Variants in SDK1 observed in about 807,000 individuals in gnomAD.
SDK1 encodes the protein protein sidekick-1.
SDK1 carries 157 observed loss-of-function variants against 245.5 expected under a neutral mutation model. The observed-to-expected ratio is 0.64, with a 90% CI of 0.56 to 0.73. SDK1 has a LOEUF of 0.73. Ranked by LOEUF, SDK1 falls within the 30% of genes least tolerant of loss-of-function variation. The pLI is 0.00. For missense variants in SDK1, 3,583 were observed against 3,002.3 expected, an observed-to-expected ratio of 1.19 and a Z score of -4.52; for synonymous variants, 1,647 against 1,278.5, an observed-to-expected ratio of 1.29 and a Z score of -6.15.
intron 5 of SDK1, among the ~76,000 whole-genome samples, chr7:3,889,992 C>T (rs1380835785): frequency 6.6e-6 from 1 of 152,126 alleles, no homozygotes; most frequent in East Asian, 1.9e-4. Flanking sequence ...TCATTTGCAA[C>T]CAAGAACCTC....
chr7:4,158,591 C>T (rs1780918556), intron 31 of SDK1, 40 bp downstream of exon 31: 2 of 1,443,394 alleles, frequency 1.4e-6, no homozygotes, highest in African/African-American at 1.4e-5. Context: ...CTGGCCGCTG[C>T]CCCTGGAGCC....
At chr7:4,045,239 G>C (rs1160534663) in intron 17 of SDK1, among the ~76,000 whole-genome samples, 9 of 151,574 alleles carry the variant, frequency 5.9e-5, no homozygotes, top group Middle Eastern at 3.2e-3. Flanking sequence ...ATCACATATA[G>C]ATTTTATTTA....
chr7:3,718,568 TAAATAAATAAATAAATAA>T (rs1785272178), intron 4 of SDK1, among the ~76,000 whole-genome samples: 1 of 143,378 alleles, frequency 7.0e-6, no homozygotes, highest in East Asian at 2.0e-4. Flanking sequence ...AATAAATAAA[TAAATAAATAAATAAATAA>T]ATATCTAACA....
At chr7:3,659,165 C>T (rs558209637) in intron 4 of SDK1, among the ~76,000 whole-genome samples, 43 of 152,214 alleles carry the variant, frequency 2.8e-4, no homozygotes, top group African/African-American at 9.6e-4. Context: ...AATATTTCAC[C>T]GGGTTCTTTT....
intron 1 of SDK1, among the ~76,000 whole-genome samples, chr7:3,380,075 T>C (rs1781448053): frequency 6.6e-6 from 1 of 152,232 alleles, no homozygotes. Context: ...AAATGATTTT[T>C]ATTACCTTTT....
Position 3,655,487 on chromosome 7 carries a change from A to ATG in SDK1, c.713+13383_713+13384insGT, listed in dbSNP as rs1562634376. Among the ~76,000 whole-genome samples the ATG allele has an allele frequency of 5.1e-4, 37 of 72,020 alleles. 1 individual carries two copies. Among genetic ancestry groups the ATG allele is most frequent in the African/African-American group, 1.2e-3 (31 of 25,014 alleles). 47.2% of individuals were successfully genotyped at this position (72,020 alleles called of 152,430 possible). A position where few individuals can be genotyped will look rare whatever the true frequency, so the allele number is the denominator to read the frequency against. On this transcript the variant is annotated intron_variant, in intron 4 of 44. Coordinates refer to ENST00000404826, the MANE Select transcript of SDK1 (RefSeq NM_152744.4). ...TATATATATATATATATATATATAT[A>ATG]TATATATATATATATATGTATGTAT...
intron 4 of SDK1, among the ~76,000 whole-genome samples, chr7:3,702,380 T>C (rs928442679): frequency 6.6e-6 from 1 of 152,218 alleles, no homozygotes; most frequent in African/African-American, 2.4e-5. Context: ...AGCAACTGTG[T>C]CTTTTTCAAC....
At chr7:3,960,452 T>C (rs945498387) in intron 8 of SDK1, among the ~76,000 whole-genome samples, 1 of 152,240 alleles carries the variant, frequency 6.6e-6, no homozygotes, top group South Asian at 2.1e-4. Flanking sequence ...TACCTGCAAC[T>C]GTGTGGATGC....
chr7:3,672,794 T>TATATAA (rs1468918926), intron 4 of SDK1, among the ~76,000 whole-genome samples: 57 of 65,566 alleles, frequency 8.7e-4, no homozygotes, highest in South Asian at 2.8e-3. Context: ...TATATATATA[T>TATATAA]AAAAAATACA....
At chr7:3,311,870 G>A (rs1343074797) in intron 1 of SDK1, among the ~76,000 whole-genome samples, 1 of 152,204 alleles carries the variant, frequency 6.6e-6, no homozygotes, top group African/African-American at 2.4e-5. Flanking sequence ...GGAGCTCAAG[G>A]CCTGTGGTGG....
At chr7:3,592,735 C>A (rs1463689789) in intron 1 of SDK1, among the ~76,000 whole-genome samples, 2 of 152,128 alleles carry the variant, frequency 1.3e-5, no homozygotes, top group East Asian at 1.9e-4. Flanking sequence ...GTAAATGTCA[C>A]CGCTTTATAT....
intron 5 of SDK1, among the ~76,000 whole-genome samples, chr7:3,908,352 A>G (rs368667328): frequency 5.3e-5 from 8 of 152,206 alleles, no homozygotes; most frequent in African/African-American, 1.9e-4. Flanking sequence ...CGCCAGATCC[A>G]GGAGACGATC....
chr7:3,501,829 T>C (rs1782224493), intron 1 of SDK1, among the ~76,000 whole-genome samples: 2 of 152,184 alleles, frequency 1.3e-5, no homozygotes, highest in African/African-American at 4.8e-5. Context: ...TTACAAATAT[T>C]TATTACTCTT....
intron 20 of SDK1, among the ~76,000 whole-genome samples, chr7:4,076,211 G>C (rs1372524207): frequency 6.6e-6 from 1 of 152,206 alleles, no homozygotes; most frequent in Non-Finnish European, 1.5e-5. Context: ...CCATGAATTA[G>C]TTGCAACCGA....
intron 19 of SDK1, among the ~76,000 whole-genome samples, chr7:4,056,127 C>G (rs1779179486): frequency 6.7e-6 from 1 of 148,640 alleles, no homozygotes; most frequent in South Asian, 2.1e-4. Flanking sequence ...AATTTTATGT[C>G]TCAGAGAAAA....
chr7:3,693,967 C>G (rs752677829), intron 4 of SDK1, among the ~76,000 whole-genome samples: 3 of 152,184 alleles, frequency 2.0e-5, no homozygotes, highest in Non-Finnish European at 2.9e-5. Context: ...CTTGCTCCCT[C>G]ACTCGTCCCA....
chr7:3,641,928 G>C (rs775007124), intron 3 of SDK1, 30 bp from the exon 4 acceptor site: 17 of 1,594,828 alleles, frequency 1.1e-5, no homozygotes, highest in Middle Eastern at 3.4e-4. Context: ...ATGTTTTCTA[G>C]AACTTGAAAG....
At chr7:4,051,194 T>A (rs1312345450) in intron 18 of SDK1, among the ~76,000 whole-genome samples, 12 of 141,710 alleles carry the variant, frequency 8.5e-5, no homozygotes, top group African/African-American at 2.8e-4. Context: ...TATATATGTG[T>A]ATATATTATA....
chr7:3,761,699 A>G (rs1054562502), intron 4 of SDK1, among the ~76,000 whole-genome samples: 1 of 152,004 alleles, frequency 6.6e-6, no homozygotes, highest in Non-Finnish European at 1.5e-5. Context: ...GTTTTGATAC[A>G]AGTTTGATTA....
Sources: gnomAD v4.1 joint callset for allele counts (sites outside exome capture counted in the v4.1 genomes callset) on GRCh38, gnomAD v4.1.1 for gene constraint, MANE v1.5 for transcripts, NCBI Gene and HGNC (gene_info 2026-07-23, HGNC 2026-07-21) for gene names.